SNTG1: variants seen among roughly 807,000 people sequenced by gnomAD.
SNTG1 encodes syntrophin gamma 1, also known as gamma-1-syntrophin.
SNTG1 carries 39 observed loss-of-function variants against 74.7 expected under a neutral mutation model. The ratio of observed to expected loss-of-function variants is 0.52; its 90% CI spans 0.40 to 0.68. SNTG1 has a LOEUF of 0.68. SNTG1 is among the 30% of genes least tolerant of loss of function. The probability of loss-of-function intolerance (pLI) is 0.00; values close to 1 mark genes in which losing one functional copy is unlikely to be tolerated. For missense variants in SNTG1, 685 were observed against 609.5 expected, an observed-to-expected ratio of 1.12 and a Z score of -1.30; for synonymous variants, 254 against 217.1, an observed-to-expected ratio of 1.17 and a Z score of -1.49.
intron 13 of SNTG1, among the ~76,000 whole-genome samples, chr8:50,632,570 A>G (rs2095008605): frequency 1.3e-5 from 2 of 152,118 alleles, no homozygotes; most frequent in African/African-American, 4.8e-5. Context: ...TTGGCCTCCC[A>G]AAGTGCTGAG....
intron 15 of SNTG1, among the ~76,000 whole-genome samples, chr8:50,688,756 A>G (rs1417141264): frequency 1.3e-5 from 2 of 152,082 alleles, no homozygotes; most frequent in Non-Finnish European, 2.9e-5. Context: ...TTTTGGTTCC[A>G]TATGAACTTT....
chr8:50,113,550 T>C (rs947276964), intron 1 of SNTG1, among the ~76,000 whole-genome samples: 2 of 152,102 alleles, frequency 1.3e-5, no homozygotes, highest in African/African-American at 2.4e-5. Context: ...TTGACTTCCT[T>C]TTTTCCTAAT....
intron 1 of SNTG1, among the ~76,000 whole-genome samples, chr8:50,162,200 A>G (rs371829410): frequency 2.0e-5 from 3 of 152,176 alleles, no homozygotes; most frequent in Non-Finnish European, 4.4e-5. Flanking sequence ...ACCTGAGAGC[A>G]GGAAAATAGT....
intron 2 of SNTG1, among the ~76,000 whole-genome samples, chr8:50,246,062 T>A (rs2129777529): frequency 6.6e-6 from 1 of 151,464 alleles, no homozygotes; most frequent in Admixed American, 6.6e-5. Flanking sequence ...CATTAAATAA[T>A]CCTTATTAAA....
intron 2 of SNTG1, among the ~76,000 whole-genome samples, chr8:50,240,768 A>G (rs745814505): frequency 4.5e-4 from 69 of 152,196 alleles, no homozygotes; most frequent in Non-Finnish European, 7.5e-4. Context: ...AACAAAGAAA[A>G]TAAGTTTATA....
In SNTG1 at chr8:50,052,690, G is replaced by A. The variant is rs145747434; in HGVS notation, c.-102-119871G>A. 7.2e-5 allele frequency among the ~76,000 whole-genome samples: 11 copies of A among 151,990 alleles called. No homozygotes were observed. The East Asian group carries it at 7.7e-4, about 11-fold the overall frequency. On this transcript the variant is annotated intron_variant, in intron 1 of 18. Coordinates refer to ENST00000642720, the MANE Select transcript of SNTG1 (RefSeq NM_018967.5). ...CATTTCTAATAAGGGCCTAGTATCCGGAAAACATAAACATTTCTTTTAACT... is the reference window on the plus strand; with the variant it reads ...CATTTCTAATAAGGGCCTAGTATCCAGAAAACATAAACATTTCTTTTAACT...
chr8:50,481,359 C>T (rs1274943739), intron 8 of SNTG1, among the ~76,000 whole-genome samples: 2 of 152,056 alleles, frequency 1.3e-5, no homozygotes, highest in East Asian at 1.9e-4. Context: ...CCAGCATGGG[C>T]GACAGAGTGA....
chr8:50,227,920 C>CAAAAA (rs1491234465), intron 2 of SNTG1, among the ~76,000 whole-genome samples: 1 of 19,678 alleles, frequency 5.1e-5, no homozygotes, highest in African/African-American at 7.3e-5. Context: ...TAAACAACAA[C>CAAAAA]CAAAAAAAAA....
intron 1 of SNTG1, among the ~76,000 whole-genome samples, chr8:50,128,734 T>G (rs559997924): frequency 6.6e-6 from 1 of 152,274 alleles, no homozygotes; most frequent in East Asian, 1.9e-4. Context: ...CTTACCCCAA[T>G]TCTCAGCTTG....
At chr8:50,135,143 C>A (rs2081431712) in intron 1 of SNTG1, among the ~76,000 whole-genome samples, 1 of 152,046 alleles carries the variant, frequency 6.6e-6, no homozygotes, top group African/African-American at 2.4e-5. Flanking sequence ...AAAGCCCTAC[C>A]CCCTGTCAAC....
intron 9 of SNTG1, among the ~76,000 whole-genome samples, chr8:50,508,931 C>T (rs540357257): frequency 6.6e-6 from 1 of 152,128 alleles, no homozygotes; most frequent in African/African-American, 2.4e-5. Flanking sequence ...TTAATTAGAT[C>T]CCATTTGTCA....
chr8:50,786,096 G>T (rs928922860), intron 18 of SNTG1, among the ~76,000 whole-genome samples: 5 of 151,882 alleles, frequency 3.3e-5, no homozygotes, highest in Non-Finnish European at 7.4e-5. Context: ...AAGGATAGAT[G>T]ATACAAACTT....
chr8:50,636,761 T>C (rs930952004), intron 13 of SNTG1, among the ~76,000 whole-genome samples: 4 of 152,178 alleles, frequency 2.6e-5, no homozygotes, highest in African/African-American at 9.7e-5. Flanking sequence ...TTTTGGTTCT[T>C]ATGAAGGTCC....
rs117537214 is a variant in SNTG1, at chr8:49,931,541, C to T, written c.-103+19310C>T. Among the ~76,000 whole-genome samples, 203 of 152,144 alleles carry T rather than the reference C, an allele frequency of 1.3e-3. 4 individuals are homozygous for T. In the East Asian group the frequency reaches 0.027, roughly 20 times the overall value. On this transcript the variant is annotated intron_variant, in intron 1 of 18. Transcript: ENST00000642720. ...CATGCAGCAAACCTGCACATGTAAC[C>T]CTAAATCTAAAATAAAAGTTGAAAT...
chr8:50,149,335 G>T (rs187121122), intron 1 of SNTG1, among the ~76,000 whole-genome samples: 28 of 152,294 alleles, frequency 1.8e-4, no homozygotes, highest in Admixed American at 5.9e-4. Flanking sequence ...CTCCCATTCT[G>T]TAGGTTGCCT....
At chr8:50,282,749 G>A (rs560492095) in intron 2 of SNTG1, among the ~76,000 whole-genome samples, 24 of 152,072 alleles carry the variant, frequency 1.6e-4, no homozygotes, top group Admixed American at 1.4e-3. Context: ...CTGGGTGACA[G>A]AAGAGACTCT....
At chr8:50,680,396 G>T (rs2095326273) in intron 15 of SNTG1, among the ~76,000 whole-genome samples, 1 of 152,106 alleles carries the variant, frequency 6.6e-6, no homozygotes, top group South Asian at 2.1e-4. Context: ...TCTTGACTTA[G>T]GGGCATATAG....
chr8:50,053,370 A>G (rs1819742206), intron 1 of SNTG1, among the ~76,000 whole-genome samples: 1 of 152,088 alleles, frequency 6.6e-6, no homozygotes, highest in African/African-American at 2.4e-5. Flanking sequence ...TTTATATGTA[A>G]TGTCCAGAAT....
chr8:50,551,994 T>A (rs2094430109), intron 11 of SNTG1, among the ~76,000 whole-genome samples: 1 of 152,154 alleles, frequency 6.6e-6, no homozygotes, highest in Non-Finnish European at 1.5e-5. Flanking sequence ...GTTTGGGGAA[T>A]AAACTCTGTT....
Sources: allele counts gnomAD v4.1 joint callset (sites outside exome capture counted in the v4.1 genomes callset), GRCh38; gene constraint gnomAD v4.1.1; transcripts MANE v1.5; gene names NCBI Gene and HGNC (gene_info 2026-07-23, HGNC 2026-07-21).